PLD1: variants seen among roughly 807,000 people sequenced by gnomAD.
The protein encoded by PLD1 is phospholipase D1.
In PLD1, 112 loss-of-function variants were observed where a neutral mutation model predicts 137.1. The ratio of observed to expected loss-of-function variants is 0.82; its 90% CI spans 0.70 to 0.96. The LOEUF is 0.96. Among genes scored for constraint, PLD1 ranks in the 40% least tolerant of loss-of-function variants. The pLI is 0.00. For synonymous variants in PLD1, 431 were observed against 454.7 expected (o/e 0.95, Z 0.66); for missense variants, 1,321 against 1,342.0 (o/e 0.98, Z 0.24).
chr3:171,714,226 C>A (rs1717500487), intron 8 of PLD1, among the ~76,000 whole-genome samples, 181 bp from the exon 9 acceptor site: 1 of 151,906 alleles, frequency 6.6e-6, no homozygotes, highest in Admixed American at 6.6e-5. Context: ...CCAACAAAAC[C>A]TTTCTATTAC....
intron 1 of PLD1, among the ~76,000 whole-genome samples, chr3:171,783,083 T>G (rs1722854451): frequency 6.6e-6 from 1 of 151,932 alleles, no homozygotes; most frequent in African/African-American, 2.4e-5. Flanking sequence ...AGCAGTAAGA[T>G]CCATGGCTGA....
intron 12 of PLD1, among the ~76,000 whole-genome samples, chr3:171,698,284 A>C (rs1244875213): frequency 1.3e-5 from 2 of 152,246 alleles, no homozygotes; most frequent in Admixed American, 1.3e-4. Context: ...CCGTATGATG[A>C]ATTATTTAAT....
At chr3:171,798,460 G>A (rs568807126) in intron 1 of PLD1, among the ~76,000 whole-genome samples, 81 of 152,290 alleles carry the variant, frequency 5.3e-4, no homozygotes, top group African/African-American at 1.8e-3. Flanking sequence ...CATATTAAGT[G>A]CTATGACTTA....
chr3:171,606,159 A>G (rs980175107), intron 25 of PLD1, among the ~76,000 whole-genome samples: 2 of 152,182 alleles, frequency 1.3e-5, no homozygotes, highest in Admixed American at 1.3e-4. Context: ...TTTTACTGAT[A>G]GAGTGAATGT....
At chr3:171,619,890 C>T (rs1371809982) in intron 24 of PLD1, among the ~76,000 whole-genome samples, 2 of 151,458 alleles carry the variant, frequency 1.3e-5, no homozygotes, top group Non-Finnish European at 2.9e-5. Context: ...GGAAACACAG[C>T]GAGACCCCCA....
At chr3:171,751,700 T>C (rs1204129846) in intron 1 of PLD1, among the ~76,000 whole-genome samples, 1 of 152,160 alleles carries the variant, frequency 6.6e-6, no homozygotes, top group East Asian at 1.9e-4. Context: ...TAAAATAACC[T>C]TTTAGAAAGT....
intron 1 of PLD1, among the ~76,000 whole-genome samples, chr3:171,740,397 A>G (rs1719691524): frequency 6.6e-6 from 1 of 152,214 alleles, no homozygotes; most frequent in Admixed American, 6.5e-5. Context: ...AAGGTAATGA[A>G]AAATTTAGAG....
intron 23 of PLD1, among the ~76,000 whole-genome samples, chr3:171,636,992 T>A (rs890741217): frequency 6.6e-6 from 1 of 152,192 alleles, no homozygotes; most frequent in Non-Finnish European, 1.5e-5. Context: ...GTGTTTGGGA[T>A]TTTGCCAAAT....
intron 8 of PLD1, among the ~76,000 whole-genome samples, chr3:171,722,541 C>G (rs934124348): frequency 1.3e-5 from 2 of 152,098 alleles, no homozygotes; most frequent in African/African-American, 2.4e-5. Flanking sequence ...TTTGTCTATT[C>G]TGAAAATTTC....
intron 1 of PLD1, among the ~76,000 whole-genome samples, chr3:171,776,233 C>G (rs1437709342): frequency 6.6e-6 from 1 of 152,162 alleles, no homozygotes; most frequent in South Asian, 2.1e-4. Flanking sequence ...CCTGTCACCC[C>G]ACTCTATGGA....
At chr3:171,799,222 G>A (rs1189557040) in intron 1 of PLD1, among the ~76,000 whole-genome samples, 4 of 151,156 alleles carry the variant, frequency 2.6e-5, no homozygotes, top group Admixed American at 6.6e-5. Flanking sequence ...GCCTGTAATC[G>A]CAGCTACTCA....
chr3:171,609,332 C>T (rs73038040), intron 25 of PLD1, among the ~76,000 whole-genome samples: 11,861 of 152,074 alleles, frequency 0.078, 1,306 homozygotes, highest in African/African-American at 0.25. Context: ...AGTATGGACA[C>T]TTCTCAAAGA....
chr3:171,751,270 C>T (rs1379571831), intron 1 of PLD1, among the ~76,000 whole-genome samples: 2 of 152,024 alleles, frequency 1.3e-5, no homozygotes, highest in Non-Finnish European at 2.9e-5. Context: ...GTTCTTAAGA[C>T]CTTAGAGTCA....
intron 11 of PLD1, among the ~76,000 whole-genome samples, chr3:171,704,772 C>G (rs1716541205): frequency 6.6e-6 from 1 of 152,172 alleles, no homozygotes; most frequent in Non-Finnish European, 1.5e-5. Flanking sequence ...GATCATAGAG[C>G]AGCAGTCCCC....
At chr3:171,771,773 T>C (rs1294557880) in intron 1 of PLD1, among the ~76,000 whole-genome samples, 1 of 152,234 alleles carries the variant, frequency 6.6e-6, no homozygotes, top group African/African-American at 2.4e-5. Context: ...GAGAATCAAA[T>C]GTAGATAGTA....
intron 16 of PLD1, among the ~76,000 whole-genome samples, chr3:171,680,760 C>T (rs186989354): frequency 6.6e-5 from 10 of 152,298 alleles, no homozygotes; most frequent in Admixed American, 2.6e-4. Context: ...GCTCAAACCT[C>T]GGAATCACCT....
chr3:171,623,403 C>T (rs1733812180), intron 23 of PLD1, among the ~76,000 whole-genome samples: 1 of 150,986 alleles, frequency 6.6e-6, no homozygotes, highest in Non-Finnish European at 1.5e-5. Flanking sequence ...CAAGCTCCGC[C>T]TCCCGGGTTC....
At chr3:171,698,767 G>C (rs959019174) in intron 12 of PLD1, among the ~76,000 whole-genome samples, 4 of 150,456 alleles carry the variant, frequency 2.7e-5, no homozygotes, top group African/African-American at 9.8e-5. Context: ...AGACCAGCCT[G>C]GCCAATGTGG....
intron 8 of PLD1, among the ~76,000 whole-genome samples, chr3:171,719,681 T>A (rs762585377): frequency 2.6e-5 from 4 of 152,266 alleles, no homozygotes; most frequent in Middle Eastern, 3.2e-3. Context: ...TTAACGTCTA[T>A]ACATCTCTTT....
Sources: gnomAD v4.1 joint callset for allele counts (sites outside exome capture counted in the v4.1 genomes callset) on GRCh38, gnomAD v4.1.1 for gene constraint, MANE v1.5 for transcripts, NCBI Gene and HGNC (gene_info 2026-07-23, HGNC 2026-07-21) for gene names.